Variants in FGD6 observed in about 807,000 individuals in gnomAD.
The protein encoded by FGD6 is FYVE, RhoGEF and PH domain containing 6.
FGD6 carries 90 observed loss-of-function variants against 149.4 expected under a neutral mutation model. The observed-to-expected ratio is 0.60, with a 90% confidence interval of 0.51 to 0.72. The LOEUF is 0.72. FGD6 is among the 30% of genes least tolerant of loss of function. The pLI is 0.00. For missense variants in FGD6, 1,437 were observed against 1,684.8 expected (o/e 0.85, Z 2.57); for synonymous variants, 527 against 584.0 (o/e 0.90, Z 1.41).
At position 95,111,045 on chromosome 12, in the gene FGD6, G is replaced by A. The variant is rs577812864; in HGVS notation, c.3134-2484C>T. Among the ~76,000 whole-genome samples the A allele has an allele frequency of 3.3e-5, 5 of 152,038 alleles. No homozygotes were observed. The South Asian group carries it at 1.0e-3, about 32-fold the overall frequency. On this transcript the variant is annotated intron_variant, in intron 9 of 20. Coordinates refer to ENST00000343958, the MANE Select transcript of FGD6 (RefSeq NM_018351.4). ...TCGCCCAGGCTACAGTGCAGTCGCG[G>A]GATCTCGGCTTACTACAACCTCCAT...
chr12:95,115,866 G>T (rs564160665), intron 8 of FGD6, among the ~76,000 whole-genome samples: 1 of 152,190 alleles, frequency 6.6e-6, no homozygotes, highest in Non-Finnish European at 1.5e-5. Context: ...CTAAGAGCCT[G>T]TGTGAGTCTA....
intron 14 of FGD6, chr12:95,100,978 G>A (rs535718317): frequency 1.1e-5 from 4 of 368,392 alleles, no homozygotes; most frequent in East Asian, 7.1e-5. Flanking sequence ...GATTCACGGG[G>A]TAGTTATCTC....
At chr12:95,208,816 C>T (rs370051065) in intron 2 of FGD6, 27 bp downstream of exon 2, 1 of 1,590,076 alleles carries the variant, frequency 6.3e-7, no homozygotes, top group African/African-American at 1.3e-5. Flanking sequence ...ATGATGCATG[C>T]AAAAGTGTCT....
intron 1 of FGD6, among the ~76,000 whole-genome samples, chr12:95,216,444 G>T (rs7310833): frequency 6.6e-6 from 1 of 151,834 alleles, no homozygotes; most frequent in African/African-American, 2.4e-5. Flanking sequence ...ATGTACTTAC[G>T]AAGTGAACGT....
At chr12:95,179,263 G>T (rs979579380) in intron 2 of FGD6, among the ~76,000 whole-genome samples, 1 of 151,786 alleles carries the variant, frequency 6.6e-6, no homozygotes, top group Non-Finnish European at 1.5e-5. Flanking sequence ...GGGAGGCTGT[G>T]GGGGGTGGGG....
chr12:95,180,808 G>A (rs1312146567), intron 2 of FGD6, among the ~76,000 whole-genome samples: 2 of 151,680 alleles, frequency 1.3e-5, no homozygotes, highest in Non-Finnish European at 2.9e-5. Flanking sequence ...CTTCATAAAA[G>A]GTGGTTCAAA....
At chr12:95,158,698 A>C (rs1246734677) in intron 3 of FGD6, among the ~76,000 whole-genome samples, 2 of 152,122 alleles carry the variant, frequency 1.3e-5, no homozygotes, top group Admixed American at 1.3e-4. Context: ...AGAAAAGTTT[A>C]ATGTTTACAA....
At chr12:95,207,537 A>G (rs1444470563) in intron 2 of FGD6, among the ~76,000 whole-genome samples, 1 of 152,230 alleles carries the variant, frequency 6.6e-6, no homozygotes, top group Non-Finnish European at 1.5e-5. Context: ...ACAAACAAAC[A>G]TTAGAAATAC....
At chr12:95,178,263 C>T (rs1216707995) in intron 2 of FGD6, among the ~76,000 whole-genome samples, 4 of 152,056 alleles carry the variant, frequency 2.6e-5, no homozygotes, top group Non-Finnish European at 4.4e-5. Flanking sequence ...CACGTATGCA[C>T]ATCATGTTTT....
intron 3 of FGD6, among the ~76,000 whole-genome samples, chr12:95,166,561 G>T (rs552304642): frequency 2.6e-5 from 4 of 151,878 alleles, no homozygotes; most frequent in Non-Finnish European, 5.9e-5. Flanking sequence ...AAAATTAGCC[G>T]GGCATGGTTG....
rs562059378 is a variant in FGD6 at position 95,105,709 on chromosome 12, GACT to G, written c.3418-626_3418-624del. ...TACATTAATGCATGAGTGAACAAAT[GACT>G]ACATGAATGAATAATCAAATGCATA... On this transcript the variant is annotated intron_variant, in intron 13 of 20. Transcript: ENST00000343958. Among the ~76,000 whole-genome samples the G allele has an allele frequency of 1.2e-3, 188 of 152,274 alleles. 1 individual carries two copies. The highest frequency in any genetic ancestry group is 2.0e-3 in the Non-Finnish European group (134 of 68,022).
intron 5 of FGD6, among the ~76,000 whole-genome samples, chr12:95,152,249 C>A (rs974368339): frequency 4.6e-5 from 7 of 151,912 alleles, no homozygotes; most frequent in African/African-American, 1.7e-4. Flanking sequence ...TTGCCTGAAC[C>A]CAGGAGGTTG....
intron 19 of FGD6, 43 bp from the exon 20 acceptor site, chr12:95,084,689 GAC>G: frequency 6.6e-7 from 1 of 1,508,628 alleles, no homozygotes; most frequent in Non-Finnish European, 8.8e-7. Flanking sequence ...TTTAGATTGA[GAC>G]AAAATTCAGA....
chr12:95,183,421 C>T (rs1365537883), intron 2 of FGD6, among the ~76,000 whole-genome samples: 2 of 152,226 alleles, frequency 1.3e-5, no homozygotes, highest in African/African-American at 4.8e-5. Context: ...GTGCCCTCCT[C>T]TAGGCTGGGA....
chr12:95,121,469 ATATATATATATG>A (rs1239887597), intron 8 of FGD6, among the ~76,000 whole-genome samples: 5 of 61,776 alleles, frequency 8.1e-5, no homozygotes, highest in Middle Eastern at 7.4e-3. Flanking sequence ...AAAAAGATAT[ATATATATATATG>A]TATATATATA....
In FGD6 at chr12:95,085,213, C is replaced by CTTT. The variant is rs34135341; in HGVS notation, c.4107+564_4107+566dup. Among the ~76,000 whole-genome samples, 52 of 118,078 alleles carry CTTT rather than the reference C, an allele frequency of 4.4e-4. 2 individuals carry two copies. The highest frequency in any genetic ancestry group is 6.2e-4 in the African/African-American group (20 of 32,420). The allele number at this position is 118,078 out of a possible 152,430, so 77.5% of individuals were successfully genotyped here. ...TTGGCAGAAAGAAACACAGCTCTGC[C>CTTT]TTTTTTTTTTTTTTTTTTTTTGAGA... On this transcript the variant is annotated intron_variant, in intron 19 of 20. Coordinates refer to ENST00000343958, the MANE Select transcript of FGD6 (RefSeq NM_018351.4).
intron 2 of FGD6, among the ~76,000 whole-genome samples, chr12:95,198,166 A>T (rs1000754717): frequency 1.3e-5 from 2 of 152,206 alleles, no homozygotes; most frequent in African/African-American, 4.8e-5. Flanking sequence ...TAGTGAAACC[A>T]TGGCTCACAG....
At position 95,172,728 on chromosome 12, in the gene FGD6, C is replaced by A. The variant is rs778654127; in HGVS notation, c.2458G>T (p.Glu820Ter). Reference sequence around the variant, plus strand: ...CCAAGACCAAGATCATTCTGTTCCTCCTGGGATGCTCCTGAACTGCATTCA... The same window carrying A: ...CCAAGACCAAGATCATTCTGTTCCTACTGGGATGCTCCTGAACTGCATTCA... ...HQHSSSGASQ[E>*]EQNDLGLGDL... The change falls in exon 3 of 21, where the codon GAG becomes TAG. Residue 820 changes from glutamate to a stop codon, truncating the protein, a stop_gained. Transcript: ENST00000343958. LOFTEE classifies it high-confidence loss of function. 1 of 1,610,714 alleles carries A rather than the reference C, an allele frequency of 6.2e-7. No individual in the cohort carries two copies. The highest frequency in any genetic ancestry group is 8.5e-7 in the Non-Finnish European group (1 of 1,178,056).
rs577545373 is a variant in FGD6, at chr12:95,164,838, T to C, written c.2586+7762A>G. Among the ~76,000 whole-genome samples the C allele has an allele frequency of 1.2e-3, 186 of 152,304 alleles. 1 individual carries two copies. The highest frequency in any genetic ancestry group is 4.3e-3 in the African/African-American group (180 of 41,578). Reference sequence around the variant, plus strand: ...ATCCAGACTGCCTGAGAAACATCTCTTTATCATTAAGTTATTTCAAAAATG... The same window carrying C: ...ATCCAGACTGCCTGAGAAACATCTCCTTATCATTAAGTTATTTCAAAAATG... On this transcript the variant is annotated intron_variant, in intron 3 of 20. Transcript: ENST00000343958.
Sources: gnomAD v4.1 joint callset for allele counts (sites outside exome capture counted in the v4.1 genomes callset) on GRCh38, gnomAD v4.1.1 for gene constraint, MANE v1.5 for transcripts, NCBI Gene and HGNC (gene_info 2026-07-23, HGNC 2026-07-21) for gene names.